The following MYO3A variants were observed in gnomAD, a reference collection of about 807,000 sequenced individuals.
MYO3A encodes myosin-IIIa.
In MYO3A, 180 loss-of-function variants were observed where a neutral mutation model predicts 192.7. The ratio of observed to expected loss-of-function variants is 0.93; its 90% confidence interval spans 0.83 to 1.06. The LOEUF (loss-of-function observed/expected upper bound fraction) is 1.06. Ranked by LOEUF, MYO3A falls within the 50% of genes least tolerant of loss-of-function variation. The probability of loss-of-function intolerance (pLI) is 0.00; values close to 1 mark genes in which losing one functional copy is unlikely to be tolerated. For missense variants in MYO3A, 1,896 were observed against 1,905.0 expected, an observed-to-expected ratio of 1.00 and a Z score of 0.09; for synonymous variants, 628 against 645.3, an observed-to-expected ratio of 0.97 and a Z score of 0.41.
intron 23 of MYO3A, among the ~76,000 whole-genome samples, chr10:26,152,999 A>C (rs1840890426): frequency 6.6e-6 from 1 of 152,246 alleles, no homozygotes; most frequent in Admixed American, 6.5e-5. Context: ...ACCTAGAAGA[A>C]GGAGAGAGAC....
chr10:26,116,353 C>T (rs1031266612), intron 17 of MYO3A, among the ~76,000 whole-genome samples: 2 of 152,200 alleles, frequency 1.3e-5, no homozygotes, highest in African/African-American at 2.4e-5. Context: ...TTTGTCTTCA[C>T]CTGGTGTTCT....
At chr10:26,167,760 A>C (rs1341861854) in intron 27 of MYO3A, among the ~76,000 whole-genome samples, 1 of 152,196 alleles carries the variant, frequency 6.6e-6, no homozygotes, top group Non-Finnish European at 1.5e-5. Flanking sequence ...AAACTGAATT[A>C]AATCAAACCT....
chr10:26,195,474 A>G (rs1269826985), intron 32 of MYO3A, among the ~76,000 whole-genome samples: 4 of 152,106 alleles, frequency 2.6e-5, no homozygotes, highest in African/African-American at 4.8e-5. Flanking sequence ...TTAATATCCA[A>G]TTATACTATC....
intron 17 of MYO3A, among the ~76,000 whole-genome samples, chr10:26,107,104 G>A (rs1254098621): frequency 6.6e-6 from 1 of 151,972 alleles, no homozygotes; most frequent in Non-Finnish European, 1.5e-5. Context: ...TTCTGGGAGA[G>A]ATCTAGTATT....
intron 4 of MYO3A, among the ~76,000 whole-genome samples, chr10:25,975,607 C>T (rs913080585): frequency 5.9e-5 from 9 of 152,030 alleles, no homozygotes; most frequent in Admixed American, 5.9e-4. Context: ...TGAAAGAAGA[C>T]AAAGACATCA....
chr10:25,946,336 C>T (rs920015770), intron 2 of MYO3A, among the ~76,000 whole-genome samples: 5 of 151,990 alleles, frequency 3.3e-5, no homozygotes, highest in African/African-American at 9.7e-5. Context: ...TTTTTTTTCT[C>T]ATTTTTGAAG....
chr10:25,989,382 G>T (rs1333222740), intron 4 of MYO3A, among the ~76,000 whole-genome samples: 1 of 151,510 alleles, frequency 6.6e-6, no homozygotes, highest in Non-Finnish European at 1.5e-5. Flanking sequence ...CCTTTTATTC[G>T]GCTTCCAGGG....
At chr10:26,161,695 A>G (rs1239917229) in intron 26 of MYO3A, among the ~76,000 whole-genome samples, 3 of 152,222 alleles carry the variant, frequency 2.0e-5, no homozygotes, top group Non-Finnish European at 4.4e-5. Context: ...GTTTATAAGT[A>G]TTAGGTGAAA....
chr10:26,177,119 G>A (rs1842373772), intron 31 of MYO3A, among the ~76,000 whole-genome samples: 1 of 151,760 alleles, frequency 6.6e-6, no homozygotes, highest in African/African-American at 2.4e-5. Flanking sequence ...AATAAAAGGG[G>A]TTGGTATAGA....
At chr10:25,946,679 A>C (rs1334563538) in intron 2 of MYO3A, among the ~76,000 whole-genome samples, 2 of 151,730 alleles carry the variant, frequency 1.3e-5, no homozygotes, top group Admixed American at 1.3e-4. Flanking sequence ...GGAGATCAAG[A>C]CCATCCTGGC....
intron 10 of MYO3A, among the ~76,000 whole-genome samples, chr10:26,051,726 C>T (rs948318598): frequency 2.6e-5 from 4 of 152,040 alleles, no homozygotes; most frequent in African/African-American, 9.6e-5. Flanking sequence ...ATTACAAGGT[C>T]AGCAGTTAAT....
intron 20 of MYO3A, among the ~76,000 whole-genome samples, chr10:26,130,025 G>A (rs1034512122): frequency 6.6e-6 from 1 of 152,076 alleles, no homozygotes; most frequent in Non-Finnish European, 1.5e-5. Context: ...TGGTTGGGTA[G>A]ACTCTGGTTT....
intron 33 of MYO3A, among the ~76,000 whole-genome samples, chr10:26,201,994 A>T (rs777728805): frequency 6.6e-6 from 1 of 152,150 alleles, no homozygotes; most frequent in Non-Finnish European, 1.5e-5. Context: ...ACACATGCTA[A>T]ATCTTGCTGC....
chr10:26,036,421 A>G (rs1329227516), intron 10 of MYO3A, among the ~76,000 whole-genome samples: 2 of 152,174 alleles, frequency 1.3e-5, no homozygotes, highest in Admixed American at 1.3e-4. Context: ...TTTTGGAAAG[A>G]GTCTCTCATG....
At chr10:25,978,167 A>G (rs1341323089) in intron 4 of MYO3A, among the ~76,000 whole-genome samples, 1 of 152,178 alleles carries the variant, frequency 6.6e-6, no homozygotes, top group Non-Finnish European at 1.5e-5. Flanking sequence ...AACTTAGAGA[A>G]TGATTTTGAG....
intron 33 of MYO3A, among the ~76,000 whole-genome samples, chr10:26,202,131 C>T (rs1464906609): frequency 6.6e-6 from 1 of 152,172 alleles, no homozygotes; most frequent in South Asian, 2.1e-4. Flanking sequence ...AATATTATAT[C>T]ACTGTTTTAA....
intron 23 of MYO3A, among the ~76,000 whole-genome samples, chr10:26,150,215 T>A (rs1840719089): frequency 6.6e-6 from 1 of 152,226 alleles, no homozygotes; most frequent in African/African-American, 2.4e-5. Context: ...CATTGTACTT[T>A]TTATATATTG....
chr10:26,123,857 C>T (rs528279797), intron 18 of MYO3A, among the ~76,000 whole-genome samples: 62 of 152,158 alleles, frequency 4.1e-4, no homozygotes, highest in African/African-American at 1.5e-3. Context: ...ACCCAGGAGG[C>T]GGAGCTTGCA....
At chr10:26,096,520 T>C in intron 16 of MYO3A, 41 bp downstream of exon 16, 3 of 1,601,682 alleles carry the variant, frequency 1.9e-6, no homozygotes, top group Non-Finnish European at 2.6e-6. Flanking sequence ...ATACTTTCAC[T>C]TTTCCCTTAA....
Sources: allele counts gnomAD v4.1 joint callset (sites outside exome capture counted in the v4.1 genomes callset), GRCh38; gene constraint gnomAD v4.1.1; transcripts MANE v1.5; gene names NCBI Gene and HGNC (gene_info 2026-07-23, HGNC 2026-07-21).